PTPN13: variants seen among roughly 807,000 people sequenced by gnomAD.
The protein encoded by PTPN13 is protein tyrosine phosphatase non-receptor type 13, also known as tyrosine-protein phosphatase non-receptor type 13.
A neutral mutation model predicts 284.0 loss-of-function variants in PTPN13; 191 were observed. The observed-to-expected ratio is 0.67, with a 90% CI of 0.60 to 0.76. PTPN13 has a LOEUF of 0.76. PTPN13 is among the 30% of genes least tolerant of loss of function. The probability of loss-of-function intolerance (pLI) is 0.00; values close to 1 mark genes in which losing one functional copy is unlikely to be tolerated. For synonymous variants in PTPN13, 986 were observed against 1,022.3 expected (o/e 0.96, Z 0.68); for missense variants, 2,797 against 2,939.9 (o/e 0.95, Z 1.12).
In PTPN13 at chr4:86,716,559, G is replaced by A. The variant is rs1482524157; in HGVS notation, c.1225G>A (p.Gly409Ser). 1.3e-6 allele frequency: 2 copies of A among 1,596,750 alleles called. No homozygotes were observed. The highest frequency in any genetic ancestry group is 2.2e-5 in the East Asian group (1 of 44,470). The change falls in exon 8 of 48, where the codon GGT (glycine) becomes AGT (serine). Residue 409 changes from glycine to serine, a missense_variant. Physicochemically the swap from Gly to Ser is moderately conservative, Grantham distance 56. Coordinates refer to ENST00000411767, the MANE Select transcript of PTPN13 (RefSeq NM_080683.3). Reference protein sequence around the residue: ...EPVRRYKTYHGDVFSTSSESP... With the variant: ...EPVRRYKTYHSDVFSTSSESP... ...AGTTCGAAGATACAAAACTTATCAT[G>A]GTGATGTCTTTAGTACCTCCAGTGA... is the stretch of plus-strand genomic sequence containing the variant.
intron 1 of PTPN13, among the ~76,000 whole-genome samples, chr4:86,601,078 T>C (rs1182925768): frequency 6.6e-6 from 1 of 152,128 alleles, no homozygotes; most frequent in African/African-American, 2.4e-5. Flanking sequence ...AGGAATGAGC[T>C]TAAAGCAATG....
intron 1 of PTPN13, among the ~76,000 whole-genome samples, chr4:86,601,499 A>T (rs914014051): frequency 6.6e-6 from 1 of 152,138 alleles, no homozygotes; most frequent in Non-Finnish European, 1.5e-5. Flanking sequence ...TTATTCTCTA[A>T]TATTAAAACT....
intron 2 of PTPN13, among the ~76,000 whole-genome samples, chr4:86,643,091 C>T (rs1192808189): frequency 2.6e-5 from 4 of 152,294 alleles, no homozygotes; most frequent in Middle Eastern, 6.8e-3. Context: ...CAATTTCCCT[C>T]ACTTAGGCAA....
intron 24 of PTPN13, among the ~76,000 whole-genome samples, chr4:86,764,276 T>C (rs1739031767): frequency 6.6e-6 from 1 of 152,176 alleles, no homozygotes; most frequent in Admixed American, 6.5e-5. Flanking sequence ...CCATCTGCCA[T>C]ATCTAGCAGT....
In PTPN13 at chr4:86,774,463, G is replaced by T. The variant is rs755656686; in HGVS notation, c.5440G>T (p.Val1814Phe). 4 of 1,605,490 alleles carry T rather than the reference G, an allele frequency of 2.5e-6. No individual in the cohort carries two copies. The highest frequency in any genetic ancestry group is 3.4e-6 in the Non-Finnish European group (4 of 1,175,752). Residue 1814 changes from valine (V) to phenylalanine (F), a missense_variant, in exon 33 of 48, where the codon GTT becomes TTT. Transcript: ENST00000411767. ...TKGNQRIGCY[V>F]HDVIQDPAKS... is the part of the protein sequence containing the mutation. Reference sequence around the variant, plus strand: ...AGGCAATCAGAGAATTGGTTGTTATGTTCATGATGTCATACAGGATCCAGC... The same window carrying T: ...AGGCAATCAGAGAATTGGTTGTTATTTTCATGATGTCATACAGGATCCAGC...
chr4:86,609,277 A>G (rs1765059037), intron 1 of PTPN13, among the ~76,000 whole-genome samples: 3 of 152,220 alleles, frequency 2.0e-5, no homozygotes, highest in Admixed American at 2.0e-4. Flanking sequence ...TCCTCTGAAG[A>G]GGATGAGTTA....
chr4:86,786,036 CA>C, intron 40 of PTPN13, 100 bp downstream of exon 40: 2 of 582,978 alleles, frequency 3.4e-6, no homozygotes, highest in South Asian at 6.5e-5. Flanking sequence ...CTGTTTTACT[CA>C]AAAATTAAAT....
intron 40 of PTPN13, among the ~76,000 whole-genome samples, chr4:86,786,513 G>A (rs1741936479): frequency 6.6e-6 from 1 of 152,070 alleles, no homozygotes; most frequent in South Asian, 2.1e-4. Context: ...ATATATACAA[G>A]GAAGCTTACG....
Position 86,701,237 on chromosome 4 carries a change from C to T in PTPN13, c.635-4C>T. On this transcript the variant is annotated splice_region_variant and splice_polypyrimidine_tract_variant and intron_variant, in intron 6 of 47. Transcript: ENST00000411767. ...GCATACATGATAGATTCTTATCATTCCAGGAAGAAGCTCTACTTCTGATGT... is the reference window on the plus strand; with the variant it reads ...GCATACATGATAGATTCTTATCATTTCAGGAAGAAGCTCTACTTCTGATGT... 1 of 1,539,174 alleles carries T rather than the reference C, an allele frequency of 6.5e-7. No homozygotes were observed. Among genetic ancestry groups the T allele is most frequent in the East Asian group, 2.3e-5 (1 of 44,252 alleles).
intron 2 of PTPN13, 41 bp downstream of exon 2, chr4:86,635,412 G>GT: frequency 6.4e-7 from 1 of 1,554,306 alleles, no homozygotes; most frequent in Non-Finnish European, 8.7e-7. Flanking sequence ...TGTTGTTTCA[G>GT]TATTGGGTAC....
intron 6 of PTPN13, among the ~76,000 whole-genome samples, chr4:86,696,344 T>C (rs1237739747): frequency 2.6e-5 from 4 of 151,966 alleles, no homozygotes; most frequent in African/African-American, 9.7e-5. Context: ...TGAAGTGTAA[T>C]ATATTTGTAG....
intron 7 of PTPN13, among the ~76,000 whole-genome samples, chr4:86,704,488 G>GT (rs1156297834): frequency 6.6e-6 from 1 of 152,050 alleles, no homozygotes; most frequent in Non-Finnish European, 1.5e-5. Flanking sequence ...CAGTTAATGT[G>GT]TATGCACATG....
At chr4:86,641,342 A>T (rs1298283224) in intron 2 of PTPN13, among the ~76,000 whole-genome samples, 4 of 151,932 alleles carry the variant, frequency 2.6e-5, no homozygotes, top group Non-Finnish European at 4.4e-5. Context: ...TTTCCCCCTT[A>T]TCATCTTGAA....
chr4:86,647,309 TA>T (rs1724557601), intron 2 of PTPN13, among the ~76,000 whole-genome samples: 1 of 152,142 alleles, frequency 6.6e-6, no homozygotes, highest in Non-Finnish European at 1.5e-5. Context: ...TAGAGCTTGA[TA>T]TTTTTTCTTA....
chr4:86,801,188 C>G (rs1439429781), intron 42 of PTPN13, among the ~76,000 whole-genome samples: 1 of 152,208 alleles, frequency 6.6e-6, no homozygotes. Flanking sequence ...GTTGACTCAA[C>G]TCCCAAAGAA....
At chr4:86,683,960 T>TTC (rs1367990433) in intron 3 of PTPN13, among the ~76,000 whole-genome samples, 1 of 152,160 alleles carries the variant, frequency 6.6e-6, no homozygotes, top group Non-Finnish European at 1.5e-5. Flanking sequence ...GGAAAGAAGC[T>TTC]TAAAGAGAAA....
At chr4:86,704,518 C>G (rs1236116910) in intron 7 of PTPN13, among the ~76,000 whole-genome samples, 16 of 152,100 alleles carry the variant, frequency 1.1e-4, no homozygotes, top group South Asian at 2.1e-4. Flanking sequence ...GTTAAGGAAA[C>G]TCAGACCATC....
At chr4:86,613,390 CTT>C (rs1720150922) in intron 1 of PTPN13, among the ~76,000 whole-genome samples, 2 of 152,182 alleles carry the variant, frequency 1.3e-5, no homozygotes, top group African/African-American at 2.4e-5. Flanking sequence ...AATCCTAACA[CTT>C]TGGGAGGCCG....
intron 2 of PTPN13, among the ~76,000 whole-genome samples, chr4:86,643,410 A>G (rs976021645): frequency 6.6e-6 from 1 of 152,190 alleles, no homozygotes; most frequent in African/African-American, 2.4e-5. Context: ...TAGTCTTATT[A>G]TAAGTGAAAA....
Sources: gnomAD v4.1 joint callset for allele counts (sites outside exome capture counted in the v4.1 genomes callset) on GRCh38, gnomAD v4.1.1 for gene constraint, MANE v1.5 for transcripts, NCBI Gene and HGNC (gene_info 2026-07-23, HGNC 2026-07-21) for gene names.